RPS6KC1: variants seen among roughly 807,000 people sequenced by gnomAD.
RPS6KC1 encodes inactive ribosomal protein S6 kinase delta-1.
A neutral mutation model predicts 103.8 loss-of-function variants in RPS6KC1; 54 were observed. That is an observed-to-expected ratio of 0.52 (90% CI 0.42 to 0.65). The LOEUF (loss-of-function observed/expected upper bound fraction) is 0.65, where lower values mean the gene tolerates loss of function less well. RPS6KC1 is among the 30% of genes least tolerant of loss of function. The probability of loss-of-function intolerance (pLI) is 0.00; values close to 1 mark genes in which losing one functional copy is unlikely to be tolerated. For synonymous variants in RPS6KC1, 439 were observed against 438.7 expected (o/e 1.00, Z -0.01); for missense variants, 1,151 against 1,253.8 (o/e 0.92, Z 1.24).
At chr1:213,478,111 A>G in the RPS6KC1 span, among the ~76,000 whole-genome samples, 1 of 152,282 alleles carries the variant, frequency 6.6e-6, no homozygotes, top group East Asian at 1.9e-4. Flanking sequence ...GTTAGAATCA[A>G]ACAGTATACA....
the RPS6KC1 span, among the ~76,000 whole-genome samples, chr1:213,578,512 T>C: frequency 6.6e-5 from 10 of 152,184 alleles, no homozygotes; most frequent in African/African-American, 2.2e-4. Context: ...CAGCAGCCAG[T>C]AGCGGGACTG....
the RPS6KC1 span, among the ~76,000 whole-genome samples, chr1:213,799,275 G>C: frequency 1.3e-5 from 2 of 152,156 alleles, no homozygotes; most frequent in Non-Finnish European, 2.9e-5. Context: ...ACAACACTGA[G>C]TTGGTGTAAT....
At chr1:213,506,529 G>T in the RPS6KC1 span, among the ~76,000 whole-genome samples, 1 of 152,042 alleles carries the variant, frequency 6.6e-6, no homozygotes, top group Non-Finnish European at 1.5e-5. Context: ...AACATCTATG[G>T]GTCACCCACC....
chr1:213,161,927 G>A (rs1290606999), intron 6 of RPS6KC1, among the ~76,000 whole-genome samples: 1 of 152,172 alleles, frequency 6.6e-6, no homozygotes, highest in Non-Finnish European at 1.5e-5. Context: ...CTTCTCTTAA[G>A]ATGTGTGTCT....
the RPS6KC1 span, among the ~76,000 whole-genome samples, chr1:213,716,698 G>T: frequency 5.9e-5 from 9 of 151,998 alleles, no homozygotes; most frequent in South Asian, 4.2e-4. Context: ...TTTAATTTGG[G>T]TATATATATA....
chr1:213,777,137 T>C, the RPS6KC1 span, among the ~76,000 whole-genome samples: 2 of 152,230 alleles, frequency 1.3e-5, no homozygotes, highest in African/African-American at 2.4e-5. Context: ...ATCATTCTTG[T>C]GTTCACTGGA....
the RPS6KC1 span, among the ~76,000 whole-genome samples, chr1:213,855,752 C>T: frequency 6.6e-6 from 1 of 152,260 alleles, no homozygotes; most frequent in Non-Finnish European, 1.5e-5. Context: ...GTAACACATC[C>T]ACGACCAGCT....
chr1:213,087,679 A>G (rs537657821), intron 3 of RPS6KC1, among the ~76,000 whole-genome samples: 3 of 152,290 alleles, frequency 2.0e-5, no homozygotes, highest in African/African-American at 7.2e-5. Flanking sequence ...TGCCTTGGCC[A>G]CACAATCTCT....
At chr1:213,476,581 C>T in the RPS6KC1 span, among the ~76,000 whole-genome samples, 1 of 152,108 alleles carries the variant, frequency 6.6e-6, no homozygotes, top group Non-Finnish European at 1.5e-5. Context: ...GCCGTTTCAC[C>T]CATGCCATAG....
At chr1:213,801,948 G>C in the RPS6KC1 span, among the ~76,000 whole-genome samples, 2 of 152,186 alleles carry the variant, frequency 1.3e-5, no homozygotes, top group South Asian at 2.1e-4. Flanking sequence ...GAAGACAACT[G>C]CCCAGTAGAT....
the RPS6KC1 span, among the ~76,000 whole-genome samples, chr1:213,571,576 C>G: frequency 6.6e-6 from 1 of 152,156 alleles, no homozygotes; most frequent in Non-Finnish European, 1.5e-5. Context: ...CATATAGTTC[C>G]CTGGATGTTT....
the RPS6KC1 span, among the ~76,000 whole-genome samples, chr1:213,520,636 C>T: frequency 1.3e-5 from 2 of 152,032 alleles, no homozygotes; most frequent in Admixed American, 6.6e-5. Flanking sequence ...TTTTATCAGA[C>T]TTGACCCATA....
chr1:213,601,438 A>C, the RPS6KC1 span, among the ~76,000 whole-genome samples: 1 of 147,968 alleles, frequency 6.8e-6, no homozygotes, highest in African/African-American at 2.5e-5. Context: ...ATTCATAAAT[A>C]TATATATGTT....
At position 213,187,981 on chromosome 1, in the gene RPS6KC1, A is replaced by G. The variant is rs116015959; in HGVS notation, c.1044+11489A>G. ...GAGTGATGCCTGCTCTGAAGGTGAG[A>G]GGTCCCAAAGGGATTAGGCTGGCAG... On this transcript the variant is annotated intron_variant, in intron 8 of 14. Coordinates refer to ENST00000366960, the MANE Select transcript of RPS6KC1 (RefSeq NM_012424.6). 2.8e-3 allele frequency among the ~76,000 whole-genome samples: 421 copies of G among 152,134 alleles called. 4 individuals carry two copies. The highest frequency in any genetic ancestry group is 9.7e-3 in the African/African-American group (402 of 41,514).
the RPS6KC1 span, among the ~76,000 whole-genome samples, chr1:213,688,271 C>G: frequency 1.3e-5 from 2 of 152,294 alleles, no homozygotes; most frequent in South Asian, 4.1e-4. Context: ...TCAAGGTCAC[C>G]TCTAGTTGTC....
chr1:213,119,061 CCTCA>C (rs1187930904), intron 5 of RPS6KC1, among the ~76,000 whole-genome samples: 1 of 151,886 alleles, frequency 6.6e-6, no homozygotes, highest in African/African-American at 2.4e-5. Flanking sequence ...CTGGCTGTTG[CCTCA>C]GTTTCCCTAC....
the RPS6KC1 span, among the ~76,000 whole-genome samples, chr1:213,639,171 T>C: frequency 6.6e-6 from 1 of 152,134 alleles, no homozygotes; most frequent in African/African-American, 2.4e-5. Context: ...AGAAATACAA[T>C]AGACATTTTT....
At chr1:213,806,799 T>C in the RPS6KC1 span, among the ~76,000 whole-genome samples, 5 of 148,904 alleles carry the variant, frequency 3.4e-5, no homozygotes, top group South Asian at 1.1e-3. Flanking sequence ...AATATTGTTA[T>C]GTGTGAATTT....
the RPS6KC1 span, among the ~76,000 whole-genome samples, chr1:213,567,355 T>C: frequency 6.6e-6 from 1 of 152,182 alleles, no homozygotes; most frequent in Non-Finnish European, 1.5e-5. Context: ...GCATTTCACT[T>C]CTTTGTATCA....
Sources: gnomAD v4.1 joint callset for allele counts (sites outside exome capture counted in the v4.1 genomes callset) on GRCh38, gnomAD v4.1.1 for gene constraint, MANE v1.5 for transcripts, NCBI Gene and HGNC (gene_info 2026-07-23, HGNC 2026-07-21) for gene names.